MGST1: variants seen among roughly 807,000 people sequenced by gnomAD.
The protein encoded by MGST1 is glutathione S-transferase 12.
A neutral mutation model predicts 8.9 loss-of-function variants in MGST1; 5 were observed. That is an observed-to-expected ratio of 0.56 (90% CI 0.29 to 1.19). The LOEUF (loss-of-function observed/expected upper bound fraction) is 1.19. Ranked by LOEUF, MGST1 falls within the 50% of genes most tolerant of loss-of-function variation. The pLI is 0.08. For missense variants in MGST1, 182 were observed against 187.4 expected (o/e 0.97, Z 0.17); for synonymous variants, 54 against 67.8 (o/e 0.80, Z 1.00).
At chr12:16,453,513 C>T (rs930577497) in intron 4 of MGST1, among the ~76,000 whole-genome samples, 7 of 151,868 alleles carry the variant, frequency 4.6e-5, no homozygotes, top group East Asian at 1.9e-4. Context: ...AAAGACAGCT[C>T]AGCAATTTTT....
At chr12:16,590,926 C>T (rs1437047123), downstream of MGST1, among the ~76,000 whole-genome samples, 1 of 151,736 alleles carries the variant, frequency 6.6e-6, no homozygotes, top group African/African-American at 2.4e-5. Context: ...ATCAATGGGG[C>T]CAAATAAAAA....
At chr12:16,381,125 T>C (rs1042182092), downstream of MGST1, among the ~76,000 whole-genome samples, 2 of 152,238 alleles carry the variant, frequency 1.3e-5, no homozygotes, top group Non-Finnish European at 1.5e-5. Flanking sequence ...AATTGGAGCA[T>C]TTAGCCCATT....
intron 4 of MGST1, among the ~76,000 whole-genome samples, chr12:16,471,547 G>T (rs1941289685): frequency 6.6e-6 from 1 of 152,118 alleles, no homozygotes; most frequent in African/African-American, 2.4e-5. Flanking sequence ...TTTTAAATAT[G>T]AGAAAGATAT....
chr12:16,520,502 G>A (rs1941641862), intron 4 of MGST1, among the ~76,000 whole-genome samples: 1 of 152,152 alleles, frequency 6.6e-6, no homozygotes, highest in Non-Finnish European at 1.5e-5. Flanking sequence ...GAAGAGCTGA[G>A]TCAGTGTTGG....
At chr12:16,442,704 A>G (rs9788219), downstream of MGST1, among the ~76,000 whole-genome samples, 92,217 of 151,588 alleles carry the variant, frequency 0.61, 28,493 homozygotes, top group East Asian at 0.81. The surrounding 1 kb of genome is among the most constrained non-coding windows in gnomAD (Gnocchi z 4.5). Flanking sequence ...TAGCTTTATA[A>G]TAAGTCTTGA....
intron 4 of MGST1, among the ~76,000 whole-genome samples, chr12:16,507,193 G>C (rs982811122): frequency 6.6e-6 from 1 of 152,092 alleles, no homozygotes; most frequent in Admixed American, 6.5e-5. Context: ...AAAGCAGAGG[G>C]TTCAAAACTT....
In MGST1 at chr12:16,504,057, T is replaced by C. The variant is rs139363412; in HGVS notation, n.483-85471T>C. 1.5e-3 allele frequency among the ~76,000 whole-genome samples: 231 copies of C among 152,244 alleles called. 4 individuals carry two copies. In the East Asian group the frequency reaches 0.039, roughly 26 times the overall value. The stretch of plus-strand genomic sequence containing the variant: ...ACCAAAAGCCCTCCTGGACTAAGCC[T>C]CAATTTTGGGGCTTGCCTCCCCTGT... On this transcript the variant is annotated intron_variant and non_coding_transcript_variant, in intron 4 of 4. Coordinates refer to the MGST1 transcript ENST00000538857.
chr12:16,357,461 T>G (rs2075239), intron 2 of MGST1, 144 bp from the exon 3 acceptor site: 418,048 of 593,062 alleles, frequency 0.7, 149,419 homozygotes, highest in Middle Eastern at 0.76. Flanking sequence ...TAGATATGGG[T>G]ACTCCCTATG....
chr12:16,556,852 ACTAAGTG>A (rs1392787521), intron 4 of MGST1, among the ~76,000 whole-genome samples: 1 of 152,210 alleles, frequency 6.6e-6, no homozygotes, highest in East Asian at 1.9e-4. Flanking sequence ...CAAGACAATA[ACTAAGTG>A]CTAATTGTGC....
rs1940107564 is a variant in MGST1, at chr12:16,363,810, C to T, written c.237C>T (p.Asp79=). Residue 79 remains aspartate (D), a synonymous_variant, in exon 4 of 4, where the codon GAC becomes GAT. Transcript: ENST00000396210. This position sits in a 1 kb window ranked among gnomAD's most constrained non-coding sequence, Gnocchi z 4.6. ...VERVRRAHLN[D]LENIIPFLGI... is the part of the protein sequence containing the mutation. ...TTTTCCACAGAGCCCACCTGAATGA[C>T]CTTGAAAATATTATTCCATTTCTTG... The T allele has an allele frequency of 1.2e-6, 2 of 1,604,866 alleles. No individual in the cohort carries two copies. The highest frequency in any genetic ancestry group is 1.3e-5 in the African/African-American group (1 of 74,740).
At chr12:16,420,410 T>C (rs778597543) in intron 1 of MGST1, among the ~76,000 whole-genome samples, 14 of 152,362 alleles carry the variant, frequency 9.2e-5, no homozygotes, top group Non-Finnish European at 1.5e-4. Flanking sequence ...TTTCTAGATA[T>C]GTTCATTTGT....
intron 1 of MGST1, among the ~76,000 whole-genome samples, 179 bp from the exon 2 acceptor site, chr12:16,354,052 C>T (rs1055020422): frequency 9.2e-5 from 14 of 152,068 alleles, no homozygotes; most frequent in African/African-American, 9.7e-5. Context: ...TAAGCCACTG[C>T]GTTCAGCCCC....
Position 16,401,525 on chromosome 12 carries a change from C to T in MGST1, n.778+17921C>T. ...AGCTGGAGTAAAAAGTTGTAATTTTCTTGAACTTCCTGAGGAGGATCAGCC... is the reference window on the plus strand; with the variant it reads ...AGCTGGAGTAAAAAGTTGTAATTTTTTTGAACTTCCTGAGGAGGATCAGCC... On this transcript the variant is annotated intron_variant and non_coding_transcript_variant, in intron 1 of 1. Transcript: ENST00000359720. The surrounding 1 kb of genome is among the most constrained non-coding windows in gnomAD (Gnocchi z 4.3). The T allele has an allele frequency of 2.1e-6, 2 of 963,946 alleles. No homozygotes were observed. The highest frequency in any genetic ancestry group is 3.3e-6 in the Non-Finnish European group (2 of 600,576). 59.7% of individuals were successfully genotyped at this position (963,946 alleles called of 1,614,324 possible).
At chr12:16,404,165 T>A (rs1346966990) in intron 1 of MGST1, among the ~76,000 whole-genome samples, 1 of 152,214 alleles carries the variant, frequency 6.6e-6, no homozygotes, top group Non-Finnish European at 1.5e-5. Context: ...CTATTTGAAT[T>A]GTACCTTTTG....
exon 4 of MGST1, chr12:16,377,123 C>T (rs1414326950): frequency 2.0e-5 from 3 of 151,752 alleles, no homozygotes; most frequent in African/African-American, 7.3e-5. Context: ...TTTTCAAATA[C>T]TCCAGTTTTT....
chr12:16,557,347 C>T (rs74435005), intron 4 of MGST1, among the ~76,000 whole-genome samples: 8,019 of 148,866 alleles, frequency 0.054, 513 homozygotes, highest in African/African-American at 0.16. Flanking sequence ...TACTATCTTT[C>T]ATCCCTTAAG....
intron 4 of MGST1, among the ~76,000 whole-genome samples, chr12:16,504,847 C>CATA (rs1941527206): frequency 6.6e-6 from 1 of 152,196 alleles, no homozygotes; most frequent in Non-Finnish European, 1.5e-5. Context: ...AATCCTCAGA[C>CATA]AACCCATAAA....
intron 3 of MGST1, among the ~76,000 whole-genome samples, chr12:16,372,862 A>G (rs1419191013): frequency 1.4e-5 from 2 of 148,012 alleles, no homozygotes; most frequent in Non-Finnish European, 3.0e-5. Context: ...TACATATATT[A>G]TGTATTAGAT....
At chr12:16,359,695 C>A (rs1042185720) in intron 3 of MGST1, among the ~76,000 whole-genome samples, 5 of 152,150 alleles carry the variant, frequency 3.3e-5, no homozygotes, top group Admixed American at 6.5e-5. Context: ...GTCCTTTATG[C>A]ACTTCCCCTT....
Sources: allele counts gnomAD v4.1 joint callset (sites outside exome capture counted in the v4.1 genomes callset), GRCh38; gene constraint gnomAD v4.1.1; non-coding constraint Gnocchi (gnomAD v3.1); transcripts MANE v1.5; gene names NCBI Gene and HGNC (gene_info 2026-07-23, HGNC 2026-07-21).